Variants in CDH4 observed in about 807,000 individuals in gnomAD.
CDH4 encodes cadherin-4.
In CDH4, 33 loss-of-function variants were observed where a neutral mutation model predicts 86.0. That is an observed-to-expected ratio of 0.38 (90% confidence interval 0.29 to 0.51). The LOEUF is 0.51. Ranked by LOEUF, CDH4 falls within the 20% of genes least tolerant of loss-of-function variation. The pLI, the probability that CDH4 is intolerant of heterozygous loss-of-function variation, is 0.86. For synonymous variants in CDH4, 555 were observed against 549.4 expected (o/e 1.01, Z -0.14); for missense variants, 1,114 against 1,307.4 (o/e 0.85, Z 2.28).
intron 2 of CDH4, among the ~76,000 whole-genome samples, chr20:61,729,401 G>A (rs7266244): frequency 3.3e-5 from 5 of 152,206 alleles, no homozygotes; most frequent in South Asian, 2.1e-4. Context: ...CCTTCCCTGC[G>A]GCCCCCTCTT....
intron 3 of CDH4, among the ~76,000 whole-genome samples, chr20:61,770,004 C>T (rs2088755192): frequency 6.6e-6 from 1 of 152,196 alleles, no homozygotes; most frequent in African/African-American, 2.4e-5. Flanking sequence ...TCCTGCTCAT[C>T]GGACATTCAG....
chr20:61,909,420 A>T (rs1030744565), intron 8 of CDH4, among the ~76,000 whole-genome samples: 2 of 152,252 alleles, frequency 1.3e-5, no homozygotes, highest in Non-Finnish European at 2.9e-5. Flanking sequence ...TGACGCCAGA[A>T]GTCAGCATGA....
In CDH4 at chr20:61,392,350, G is replaced by A. The variant is rs967889157; in HGVS notation, c.169+137413G>A. 2.0e-5 allele frequency among the ~76,000 whole-genome samples: 3 copies of A among 152,120 alleles called. No individual in the cohort carries two copies. The highest frequency in any genetic ancestry group is 7.2e-5 in the African/African-American group (3 of 41,434). ...CAGAGGCTCCCCTGCGATTCCGCTC[G>A]GAGTCCCACGCTGCTCAGTATGCAT... On this transcript the variant is annotated intron_variant, in intron 2 of 15. Transcript: ENST00000614565. This position sits in a 1 kb window ranked among gnomAD's most constrained non-coding sequence, Gnocchi z 5.7.
intron 2 of CDH4, among the ~76,000 whole-genome samples, chr20:61,568,024 G>T (rs2086313267): frequency 6.6e-6 from 1 of 152,130 alleles, no homozygotes. Context: ...TCATAGAGGA[G>T]ATCAAAATAA....
intron 2 of CDH4, among the ~76,000 whole-genome samples, chr20:61,575,765 G>T (rs2253214): frequency 0.77 from 117,833 of 152,212 alleles, 45,716 homozygotes; most frequent in African/African-American, 0.8. Context: ...TATCTGGCCC[G>T]TTACAGAACA....
rs2086795641 is a variant in CDH4, at chr20:61,623,287, G to T, written c.170-120276G>T. Among the ~76,000 whole-genome samples, 1 of 152,146 alleles carries T rather than the reference G, an allele frequency of 6.6e-6. No homozygotes were observed. On this transcript the variant is annotated intron_variant, in intron 2 of 15. Coordinates refer to ENST00000614565, the MANE Select transcript of CDH4 (RefSeq NM_001794.5). This position sits in a 1 kb window ranked among gnomAD's most constrained non-coding sequence, Gnocchi z 4.4. ...TTTTCCTTGAGCATCTGGGACGTCT[G>T]TCATCAGCAGACAGCTGCTGGTTTC...
intron 2 of CDH4, among the ~76,000 whole-genome samples, chr20:61,580,486 T>TAA (rs372487416): frequency 0.016 from 2,379 of 150,260 alleles, 43 homozygotes; most frequent in African/African-American, 0.04. Flanking sequence ...ACCTCTACTT[T>TAA]AAAAAAAAAA....
intron 2 of CDH4, among the ~76,000 whole-genome samples, chr20:61,686,699 A>T (rs1568755766): frequency 7.0e-6 from 1 of 142,538 alleles, no homozygotes; most frequent in Non-Finnish European, 1.5e-5. Context: ...GCATGTGTGT[A>T]TGTGCGTGTG....
At chr20:61,583,235 G>GC (rs1450644418) in intron 2 of CDH4, among the ~76,000 whole-genome samples, 4 of 108,500 alleles carry the variant, frequency 3.7e-5, no homozygotes, top group African/African-American at 1.5e-4. Context: ...GTTCTGCGGG[G>GC]GGACAGAGGG....
At position 61,773,082 on chromosome 20, in the gene CDH4, A is replaced by G. The variant is rs755606929; in HGVS notation, c.476A>G (p.Gln159Arg). The G allele has an allele frequency of 3.1e-6, 5 of 1,613,488 alleles. No homozygotes were observed. The highest frequency in any genetic ancestry group is 4.2e-6 in the Non-Finnish European group (5 of 1,179,924). ...ACCCTGCTGCCGTGGCCCCAGCACC[A>G]GAACGCCAACGGGCTGAGGCGGCGC... ...KDTLLPWPQHQNANGLRRRKR... is the reference protein window; with the variant it reads ...KDTLLPWPQHRNANGLRRRKR... The change falls in exon 4 of 16, where the codon CAG (glutamine) becomes CGG (arginine). Residue 159 changes from glutamine (Q) to arginine (R), a missense_variant. Coordinates refer to ENST00000614565, the MANE Select transcript of CDH4 (RefSeq NM_001794.5).
chr20:61,412,100 C>T (rs942949496), intron 2 of CDH4, among the ~76,000 whole-genome samples: 1 of 152,240 alleles, frequency 6.6e-6, no homozygotes, highest in African/African-American at 2.4e-5. Context: ...CTGCAGGCAC[C>T]AGCCAGTTTC....
At chr20:61,366,831 G>T (rs1030577765) in intron 2 of CDH4, among the ~76,000 whole-genome samples, 1 of 152,216 alleles carries the variant, frequency 6.6e-6, no homozygotes, top group African/African-American at 2.4e-5. Flanking sequence ...TTTGTTTATG[G>T]CCAGTTTGGG....
intron 2 of CDH4, among the ~76,000 whole-genome samples, chr20:61,419,830 G>C (rs886869146): frequency 6.6e-6 from 1 of 152,180 alleles, no homozygotes; most frequent in Non-Finnish European, 1.5e-5. Flanking sequence ...ACATCCCCCT[G>C]CTGTGTTCTC....
intron 2 of CDH4, among the ~76,000 whole-genome samples, chr20:61,316,217 A>C (rs2084475403): frequency 6.6e-6 from 1 of 152,196 alleles, no homozygotes. Flanking sequence ...ACAGAAGGGC[A>C]ATTTTGGATA....
chr20:61,540,610 C>T (rs2145655262), intron 2 of CDH4, among the ~76,000 whole-genome samples: 1 of 152,224 alleles, frequency 6.6e-6, no homozygotes, highest in East Asian at 1.9e-4. Flanking sequence ...CTGGTGATCT[C>T]CTGTCCCAGG....
At chr20:61,862,246 G>A (rs922559753) in intron 6 of CDH4, among the ~76,000 whole-genome samples, 3 of 152,170 alleles carry the variant, frequency 2.0e-5, no homozygotes, top group Admixed American at 6.5e-5. Flanking sequence ...TTCCAGTTCT[G>A]AGCACAGAGA....
At chr20:61,845,082 C>A (rs1440650927) in intron 5 of CDH4, among the ~76,000 whole-genome samples, 1 of 121,072 alleles carries the variant, frequency 8.3e-6, no homozygotes, top group Non-Finnish European at 2.1e-5. Flanking sequence ...CAAGTCAGGC[C>A]TGGGCCCACA....
chr20:61,936,373 CT>C (rs2055187034), intron 15 of CDH4, among the ~76,000 whole-genome samples: 1 of 13,836 alleles, frequency 7.2e-5, no homozygotes, highest in Non-Finnish European at 1.5e-4. Flanking sequence ...ACCCCCTCCC[CT>C]TCCCCCACAC....
intron 3 of CDH4, among the ~76,000 whole-genome samples, chr20:61,756,440 G>T (rs996626807): frequency 6.6e-6 from 1 of 152,110 alleles, no homozygotes; most frequent in Non-Finnish European, 1.5e-5. Flanking sequence ...GCCTAGGCCA[G>T]GGTGAACTCT....
Sources: gnomAD v4.1 joint callset for allele counts (sites outside exome capture counted in the v4.1 genomes callset) on GRCh38, gnomAD v4.1.1 for gene constraint, Gnocchi (gnomAD v3.1) non-coding constraint, MANE v1.5 for transcripts, NCBI Gene and HGNC (gene_info 2026-07-23, HGNC 2026-07-21) for gene names.